Variants in DIPK1A observed in about 807,000 individuals in gnomAD.
DIPK1A encodes the protein family with sequence similarity 69 member A.
DIPK1A carries 27 observed loss-of-function variants against 40.8 expected under a neutral mutation model. The observed-to-expected ratio is 0.66, with a 90% CI of 0.49 to 0.91. The LOEUF (loss-of-function observed/expected upper bound fraction) is 0.91. Ranked by LOEUF, DIPK1A falls within the 40% of genes least tolerant of loss-of-function variation. The pLI is 0.00. For missense variants in DIPK1A, 412 were observed against 505.7 expected (o/e 0.81, Z 1.78); for synonymous variants, 166 against 171.3 (o/e 0.97, Z 0.24).
At chr1:92,937,102 T>A (rs1264883105) in intron 1 of DIPK1A, among the ~76,000 whole-genome samples, 1 of 152,188 alleles carries the variant, frequency 6.6e-6, no homozygotes, top group Non-Finnish European at 1.5e-5. Flanking sequence ...CTTTGTCTCT[T>A]AACAGATGTA....
intron 2 of DIPK1A, among the ~76,000 whole-genome samples, chr1:92,871,301 G>A (rs1435646105): frequency 6.6e-6 from 1 of 152,080 alleles, no homozygotes; most frequent in Non-Finnish European, 1.5e-5. Flanking sequence ...GAGTAGCTGG[G>A]ATTACAGGCA....
chr1:92,843,970 T>C lies in DIPK1A; in HGVS notation c.700A>G (p.Thr234Ala). 1 of 1,551,816 alleles carries C rather than the reference T, an allele frequency of 6.4e-7. No homozygotes were observed. The highest frequency in any genetic ancestry group is 8.7e-7 in the Non-Finnish European group (1 of 1,147,002). ...DLYVMESVEYTSLYGISLPWV... is the reference protein window; with the variant it reads ...DLYVMESVEYASLYGISLPWV... ...GGAAGGCTTATTCCATAAAGAGAGG[T>C]ATATTCAACACTTTCCATCACATAG... The change falls in exon 5 of 5, where the codon ACC becomes GCC. Residue 234 changes from threonine to alanine, a missense_variant. Physicochemically the swap from Thr to Ala is moderately conservative, Grantham distance 58. Coordinates refer to ENST00000370310, the MANE Select transcript of DIPK1A (RefSeq NM_001006605.5).
intron 1 of DIPK1A, among the ~76,000 whole-genome samples, chr1:92,944,480 T>C (rs546550985): frequency 9.9e-5 from 15 of 152,276 alleles, no homozygotes; most frequent in East Asian, 3.9e-4. Flanking sequence ...CCACAAAGGA[T>C]TGATAATCAA....
At chr1:92,934,435 TTTTTCTTA>T (rs1382059831) in intron 1 of DIPK1A, among the ~76,000 whole-genome samples, 1 of 152,218 alleles carries the variant, frequency 6.6e-6, no homozygotes, top group Non-Finnish European at 1.5e-5. Flanking sequence ...TAAAAGTTTT[TTTTTCTTA>T]ACAGTTTAAA....
intron 2 of DIPK1A, among the ~76,000 whole-genome samples, chr1:92,871,606 C>T (rs1017036840): frequency 2.6e-5 from 4 of 152,158 alleles, no homozygotes; most frequent in African/African-American, 9.6e-5. Context: ...TTCTTTTATC[C>T]TACTCTGCAA....
intron 3 of DIPK1A, among the ~76,000 whole-genome samples, chr1:92,850,111 C>T (rs556761016): frequency 2.0e-5 from 3 of 152,016 alleles, no homozygotes; most frequent in Non-Finnish European, 4.4e-5. Context: ...GCTAGAACCA[C>T]AGGTGTGTGC....
At chr1:92,837,769 G>T, downstream of DIPK1A, 1 of 743,056 alleles carries the variant, frequency 1.3e-6, no homozygotes, top group Non-Finnish European at 2.3e-6. Context: ...CATTCTTTTA[G>T]TAATCTTTTA....
At chr1:92,882,369 C>T (rs1383333417) in intron 1 of DIPK1A, among the ~76,000 whole-genome samples, 2 of 152,186 alleles carry the variant, frequency 1.3e-5, no homozygotes, top group South Asian at 2.1e-4. Context: ...GCCTGGGCGA[C>T]AAGAACAAAA....
chr1:92,955,275 T>C lies in DIPK1A; in HGVS notation c.54+6101A>G, dbSNP rs544532400. 4.6e-5 allele frequency among the ~76,000 whole-genome samples: 7 copies of C among 152,340 alleles called. No individual in the cohort carries two copies. In the East Asian group the frequency reaches 1.2e-3, roughly 25 times the overall value. On this transcript the variant is annotated intron_variant, in intron 1 of 4. Transcript: ENST00000370310. ...AATGATGGATACATGTCATTATGCATTTATCCAAACACACTGAATGTACAA... is the reference window on the plus strand; with the variant it reads ...AATGATGGATACATGTCATTATGCACTTATCCAAACACACTGAATGTACAA...
intron 1 of DIPK1A, among the ~76,000 whole-genome samples, chr1:92,939,107 G>A (rs1248437519): frequency 1.3e-5 from 2 of 152,018 alleles, no homozygotes; most frequent in East Asian, 1.9e-4. Flanking sequence ...TCACCATGTT[G>A]GACAGACTGG....
intron 2 of DIPK1A, among the ~76,000 whole-genome samples, chr1:92,867,430 AAGAC>A (rs999887347): frequency 2.0e-5 from 3 of 152,118 alleles, no homozygotes; most frequent in African/African-American, 7.2e-5. Flanking sequence ...GAGAGAGAAA[AAGAC>A]AGAGGCATGC....
At chr1:92,905,452 C>T (rs1649585449) in intron 1 of DIPK1A, among the ~76,000 whole-genome samples, 1 of 152,128 alleles carries the variant, frequency 6.6e-6, no homozygotes, top group Non-Finnish European at 1.5e-5. Context: ...TTATTCAGAT[C>T]TTTTGCCCAT....
intron 4 of DIPK1A, chr1:92,845,620 C>A (rs1687575766): frequency 8.0e-6 from 2 of 251,070 alleles, no homozygotes; most frequent in South Asian, 7.5e-5. Flanking sequence ...GGGTGGATCA[C>A]CATGAGGTCA....
intron 2 of DIPK1A, among the ~76,000 whole-genome samples, chr1:92,873,193 G>T (rs373076429): frequency 3.9e-5 from 6 of 152,170 alleles, no homozygotes; most frequent in African/African-American, 1.4e-4. Flanking sequence ...TGGTGTGCCA[G>T]TGTTCCCATC....
intron 1 of DIPK1A, among the ~76,000 whole-genome samples, chr1:92,913,432 T>G (rs921879985): frequency 6.6e-6 from 1 of 152,208 alleles, no homozygotes; most frequent in Non-Finnish European, 1.5e-5. Flanking sequence ...TGGAGAACAT[T>G]TCTGCTTCGA....
chr1:92,913,716 C>T (rs191897114), intron 1 of DIPK1A, among the ~76,000 whole-genome samples: 1 of 152,356 alleles, frequency 6.6e-6, no homozygotes, highest in East Asian at 1.9e-4. Context: ...GCCAACTTCT[C>T]TGCCGCATAG....
chr1:92,847,026 G>A (rs1186841418), intron 4 of DIPK1A, among the ~76,000 whole-genome samples, 157 bp downstream of exon 4: 3 of 146,554 alleles, frequency 2.0e-5, no homozygotes, highest in African/African-American at 5.0e-5. Context: ...TAACAGGCGT[G>A]AGCCACCACG....
chr1:92,957,488 T>A (rs1651900448), intron 1 of DIPK1A, among the ~76,000 whole-genome samples: 1 of 152,228 alleles, frequency 6.6e-6, no homozygotes, highest in African/African-American at 2.4e-5. Flanking sequence ...CTGGGCAAGA[T>A]GCCTTGCCAT....
intron 1 of DIPK1A, among the ~76,000 whole-genome samples, chr1:92,918,266 G>C (rs1055993718): frequency 6.6e-6 from 1 of 151,952 alleles, no homozygotes; most frequent in Admixed American, 6.6e-5. Flanking sequence ...TCTCCCACCT[G>C]AGCCTCCAGA....
Sources: gnomAD v4.1 joint callset for allele counts (sites outside exome capture counted in the v4.1 genomes callset) on GRCh38, gnomAD v4.1.1 for gene constraint, MANE v1.5 for transcripts, NCBI Gene and HGNC (gene_info 2026-07-23, HGNC 2026-07-21) for gene names.